Variants in RBBP8 observed in about 807,000 individuals in gnomAD.
The protein encoded by RBBP8 is DNA endonuclease RBBP8.
RBBP8 carries 88 observed loss-of-function variants against 108.3 expected under a neutral mutation model. The ratio of observed to expected loss-of-function variants is 0.81; its 90% CI spans 0.68 to 0.97. RBBP8 has a LOEUF of 0.97. Ranked by LOEUF, RBBP8 falls within the 50% of genes least tolerant of loss-of-function variation. The pLI, the probability that RBBP8 is intolerant of heterozygous loss-of-function variation, is 0.00. For missense variants in RBBP8, 1,023 were observed against 1,049.0 expected (o/e 0.98, Z 0.34); for synonymous variants, 332 against 348.2 (o/e 0.95, Z 0.52).
intron 4 of RBBP8, among the ~76,000 whole-genome samples, chr18:22,955,378 T>A (rs1403502227): frequency 2.6e-5 from 4 of 152,192 alleles, no homozygotes; most frequent in Non-Finnish European, 5.9e-5. Flanking sequence ...CTCCATTTAA[T>A]TAAGCTGAAG....
At chr18:22,922,754 C>T (rs1395698669) in intron 3 of RBBP8, among the ~76,000 whole-genome samples, 10 of 152,108 alleles carry the variant, frequency 6.6e-5, no homozygotes, top group African/African-American at 2.2e-4. Context: ...CATGAGCCGC[C>T]GCACTTGGCC....
At chr18:23,000,444 A>C (rs963318268) in intron 14 of RBBP8, among the ~76,000 whole-genome samples, 4 of 152,208 alleles carry the variant, frequency 2.6e-5, no homozygotes, top group Admixed American at 6.5e-5. Context: ...CTTCATTACA[A>C]AAAGTAAGCA....
intron 5 of RBBP8, among the ~76,000 whole-genome samples, chr18:22,972,353 CAAAAAAA>C (rs1168455023): frequency 3.9e-4 from 22 of 55,866 alleles, no homozygotes; most frequent in Non-Finnish European, 8.2e-4. Context: ...GACTCCCTCT[CAAAAAAA>C]AAAAAAAAAA....
Position 22,992,790 on chromosome 18 carries a change from A to G in RBBP8, c.963A>G (p.Leu321=), listed in dbSNP as rs1915785105. 1 of 1,602,724 alleles carries G rather than the reference A, an allele frequency of 6.2e-7. No homozygotes were observed. Among genetic ancestry groups the G allele is most frequent in the Admixed American group, 1.7e-5 (1 of 59,972 alleles). ...STSKTPPQEE[L]PTRVSSPVFG... Reference sequence around the variant, plus strand: ...CAAAGACTCCTCCTCAAGAAGAATTACCTACTCGAGTGTCATCTCCTGTAT... The same window carrying G: ...CAAAGACTCCTCCTCAAGAAGAATTGCCTACTCGAGTGTCATCTCCTGTAT... Residue 321 remains leucine, a synonymous_variant, in exon 11 of 19, where the codon TTA becomes TTG. Transcript: ENST00000327155.
intron 3 of RBBP8, among the ~76,000 whole-genome samples, chr18:22,922,164 T>C (rs1909619100): frequency 6.6e-6 from 1 of 152,114 alleles, no homozygotes; most frequent in African/African-American, 2.4e-5. Context: ...TTTAATTAAG[T>C]AAATACCATA....
chr18:23,006,280 TGC>T, intron 15 of RBBP8, 81 bp from the exon 16 acceptor site: 1 of 1,201,960 alleles, frequency 8.3e-7, no homozygotes, highest in Admixed American at 1.8e-5. Context: ...GAAGTTTGAG[TGC>T]GTGTCATTTT....
chr18:22,975,327 T>C (rs1050964685), intron 6 of RBBP8, 108 bp downstream of exon 6: 4 of 1,465,552 alleles, frequency 2.7e-6, no homozygotes, highest in African/African-American at 1.4e-5. Flanking sequence ...AAGTGTTCTG[T>C]AGTTAAAAAA....
At chr18:22,978,632 G>A (rs903922671) in intron 6 of RBBP8, among the ~76,000 whole-genome samples, 1 of 152,104 alleles carries the variant, frequency 6.6e-6, no homozygotes, top group African/African-American at 2.4e-5. Context: ...AGGCAAGCAG[G>A]CTGTGACGTG....
intron 16 of RBBP8, among the ~76,000 whole-genome samples, chr18:23,013,096 A>T (rs1036143148): frequency 1.3e-5 from 2 of 152,218 alleles, no homozygotes; most frequent in Admixed American, 1.3e-4. Context: ...ATCCTTTCAA[A>T]ATATTGTAAT....
intron 16 of RBBP8, among the ~76,000 whole-genome samples, chr18:23,007,392 A>G (rs764295015): frequency 4.0e-5 from 6 of 151,866 alleles, no homozygotes; most frequent in Admixed American, 1.3e-4. Flanking sequence ...ATTAAATTGT[A>G]TAAGTTTTAT....
In RBBP8 at chr18:22,940,790, G is replaced by A. The variant is rs111270065; in HGVS notation, c.109+3830G>A. On this transcript the variant is annotated intron_variant, in intron 2 of 18. Transcript: ENST00000327155. ...ACCTTCAGAGTAGCTAGGACTACAGGCATGCACCACCGAACCTGGCTAATT... is the reference window on the plus strand; with the variant it reads ...ACCTTCAGAGTAGCTAGGACTACAGACATGCACCACCGAACCTGGCTAATT... 2.2e-3 allele frequency among the ~76,000 whole-genome samples: 328 copies of A among 151,932 alleles called. 8 individuals are homozygous for A. The highest frequency in any genetic ancestry group is 7.7e-3 in the African/African-American group (320 of 41,328).
At chr18:22,946,558 T>C (rs1018345142) in intron 3 of RBBP8, 72 bp downstream of exon 3, 14 of 1,594,110 alleles carry the variant, frequency 8.8e-6, no homozygotes, top group Middle Eastern at 2.2e-4. Flanking sequence ...TTGACATTCA[T>C]AGAGTAGTTG....
At chr18:22,938,794 C>G (rs960969926) in intron 2 of RBBP8, among the ~76,000 whole-genome samples, 3 of 152,108 alleles carry the variant, frequency 2.0e-5, no homozygotes, top group African/African-American at 4.8e-5. Flanking sequence ...TTGACAAACC[C>G]GTAGCACTGA....
At chr18:22,942,957 T>C (rs1413714350) in intron 2 of RBBP8, among the ~76,000 whole-genome samples, 1 of 152,102 alleles carries the variant, frequency 6.6e-6, no homozygotes, top group Non-Finnish European at 1.5e-5. Flanking sequence ...GAAAACTAGG[T>C]AGGTTTTGTG....
Position 22,992,902 on chromosome 18 carries a change from C to G in RBBP8, c.1075C>G (p.Leu359Val), listed in dbSNP as rs770814801. The G allele has an allele frequency of 5.6e-6, 9 of 1,613,790 alleles. No homozygotes were observed. Among genetic ancestry groups the G allele is most frequent in the South Asian group, 1.1e-5 (1 of 91,066 alleles). Residue 359 changes from leucine to valine, a missense_variant, in exon 11 of 19, where the codon CTG (leucine) becomes GTG (valine). Transcript: ENST00000327155. ...SLLQPGKKKH[L>V]KTLPFSNTCI... is the part of the protein sequence containing the mutation. ...TTTACAGCCTGGGAAAAAAAAACAT[C>G]TGAAAACACTCCCTTTTAGCAACAC...
upstream of RBBP8, among the ~76,000 whole-genome samples, chr18:22,932,692 C>A (rs1261424022): frequency 6.6e-6 from 1 of 152,154 alleles, no homozygotes; most frequent in Non-Finnish European, 1.5e-5. Context: ...GATTCTTTTA[C>A]AAATCAGGAG....
chr18:22,942,697 A>T (rs9957690), intron 2 of RBBP8, among the ~76,000 whole-genome samples: 74,872 of 152,050 alleles, frequency 0.49, 21,855 homozygotes, highest in Middle Eastern at 0.67. Flanking sequence ...ATTTAATGGA[A>T]ACTTCAGAAT....
chr18:22,962,821 G>A (rs1055655324), intron 4 of RBBP8, among the ~76,000 whole-genome samples: 6 of 151,808 alleles, frequency 4.0e-5, no homozygotes, highest in African/African-American at 9.7e-5. Context: ...GGCTGGTCTC[G>A]AACTCCTGGC....
intron 13 of RBBP8, among the ~76,000 whole-genome samples, chr18:22,996,809 C>A (rs1329229866): frequency 6.6e-6 from 1 of 152,072 alleles, no homozygotes; most frequent in Non-Finnish European, 1.5e-5. Flanking sequence ...CCAGCCTGGG[C>A]AATATAGCAA....
Sources: allele counts gnomAD v4.1 joint callset (sites outside exome capture counted in the v4.1 genomes callset), GRCh38; gene constraint gnomAD v4.1.1; transcripts MANE v1.5; gene names NCBI Gene and HGNC (gene_info 2026-07-23, HGNC 2026-07-21).